NRXN3: variants seen among roughly 807,000 people sequenced by gnomAD.
NRXN3 encodes neurexin 3.
NRXN3 carries 32 observed loss-of-function variants against 137.6 expected under a neutral mutation model. The ratio of observed to expected loss-of-function variants is 0.23; its 90% CI spans 0.18 to 0.31. NRXN3 has a LOEUF of 0.31. NRXN3 is among the 10% of genes least tolerant of loss of function. NRXN3 has a pLI of 1.00. For synonymous variants in NRXN3, 798 were observed against 784.5 expected, an observed-to-expected ratio of 1.02 and a Z score of -0.29; for missense variants, 1,574 against 2,062.5, an observed-to-expected ratio of 0.76 and a Z score of 4.59.
At chr14:79,755,827 T>G (rs2099017535) in intron 19 of NRXN3, among the ~76,000 whole-genome samples, 1 of 152,164 alleles carries the variant, frequency 6.6e-6, no homozygotes, top group South Asian at 2.1e-4. Flanking sequence ...AACTTTATTA[T>G]AAACCTTTTT....
chr14:78,775,974 T>A (rs1333584081), intron 8 of NRXN3, among the ~76,000 whole-genome samples: 1 of 152,154 alleles, frequency 6.6e-6, no homozygotes, highest in Non-Finnish European at 1.5e-5. Flanking sequence ...ATGAATTACT[T>A]TTTGTCCAGC....
chr14:79,685,790 T>C (rs2098692248), intron 17 of NRXN3, among the ~76,000 whole-genome samples: 1 of 152,234 alleles, frequency 6.6e-6, no homozygotes, highest in South Asian at 2.1e-4. Flanking sequence ...TAAATCATTT[T>C]AGTACATAAT....
intron 10 of NRXN3, among the ~76,000 whole-genome samples, chr14:78,854,737 G>T (rs2099052073): frequency 6.6e-6 from 1 of 152,036 alleles, no homozygotes; most frequent in Admixed American, 6.6e-5. Context: ...CTCAAAATAG[G>T]TTTTTGCTAA....
intron 6 of NRXN3, among the ~76,000 whole-genome samples, chr14:78,653,305 G>A (rs903147271): frequency 2.6e-5 from 4 of 152,166 alleles, no homozygotes; most frequent in African/African-American, 9.7e-5. Flanking sequence ...GCACTGTCTA[G>A]TGAACCCTGA....
At chr14:78,431,039 A>C (rs1217750179) in intron 4 of NRXN3, among the ~76,000 whole-genome samples, 1 of 152,142 alleles carries the variant, frequency 6.6e-6, no homozygotes, top group East Asian at 1.9e-4. Flanking sequence ...TTTTTAAGAC[A>C]ATTTATACTG....
At chr14:79,770,110 C>T (rs1292492327) in intron 19 of NRXN3, among the ~76,000 whole-genome samples, 1 of 151,430 alleles carries the variant, frequency 6.6e-6, no homozygotes, top group Admixed American at 6.6e-5. Context: ...ACAGGAGCAC[C>T]CAGATTCATA....
chr14:78,659,960 G>A (rs2097823132), intron 6 of NRXN3, among the ~76,000 whole-genome samples: 1 of 152,034 alleles, frequency 6.6e-6, no homozygotes, highest in Admixed American at 6.5e-5. Context: ...ATGCAGTTTG[G>A]ACCCATAACA....
At chr14:78,635,347 T>G (rs1566942003) in intron 4 of NRXN3, among the ~76,000 whole-genome samples, 1 of 152,208 alleles carries the variant, frequency 6.6e-6, no homozygotes, top group Non-Finnish European at 1.5e-5. Flanking sequence ...TGTATGAGTT[T>G]TCCCAAATTC....
chr14:78,330,231 G>A (rs1158160158), intron 4 of NRXN3, among the ~76,000 whole-genome samples: 1 of 152,110 alleles, frequency 6.6e-6, no homozygotes, highest in African/African-American at 2.4e-5. Context: ...GAATGGGTAA[G>A]TGTGACCTAG....
At chr14:78,790,244 G>A (rs1036151574) in intron 8 of NRXN3, among the ~76,000 whole-genome samples, 7 of 151,764 alleles carry the variant, frequency 4.6e-5, no homozygotes, top group Non-Finnish European at 7.4e-5. Flanking sequence ...TTTCTCTTTT[G>A]AATATTAAAA....
rs138640619 is a variant in NRXN3 at position 79,753,606 on chromosome 14, A to G, written c.4015-51506A>G. Among the ~76,000 whole-genome samples, 1,160 of 151,086 alleles carry G rather than the reference A, an allele frequency of 7.7e-3. 11 individuals are homozygous for G. The highest frequency in any genetic ancestry group is 0.027 in the African/African-American group (1,093 of 41,130). ...GAGGGGGGAGGGATAGCATTAGGAA[A>G]TATAACTAATGCTAAATGACGAGTT... On this transcript the variant is annotated intron_variant, in intron 19 of 20. Coordinates refer to ENST00000335750, the MANE Select transcript of NRXN3 (RefSeq NM_001330195.2).
intron 4 of NRXN3, among the ~76,000 whole-genome samples, chr14:78,548,379 A>G (rs776518181): frequency 6.6e-6 from 1 of 152,192 alleles, no homozygotes; most frequent in African/African-American, 2.4e-5. Flanking sequence ...ATTTCCCATG[A>G]CTTGGACAGG....
intron 16 of NRXN3, among the ~76,000 whole-genome samples, chr14:79,512,036 A>C (rs1013338575): frequency 1.3e-5 from 2 of 152,142 alleles, no homozygotes; most frequent in Non-Finnish European, 2.9e-5. Flanking sequence ...AGTAGCTGGG[A>C]TTACAGGTGT....
chr14:79,850,889 A>G (rs1013139579), intron 20 of NRXN3, among the ~76,000 whole-genome samples: 1 of 152,236 alleles, frequency 6.6e-6, no homozygotes, highest in Non-Finnish European at 1.5e-5. Flanking sequence ...CATTATATTC[A>G]GGCTATGTTG....
At chr14:78,665,422 G>A (rs1357517417) in intron 6 of NRXN3, among the ~76,000 whole-genome samples, 1 of 152,148 alleles carries the variant, frequency 6.6e-6, no homozygotes, top group Non-Finnish European at 1.5e-5. Flanking sequence ...CAGATCTTGT[G>A]AGAACTTACT....
At chr14:79,831,725 T>C (rs2099324425) in intron 20 of NRXN3, among the ~76,000 whole-genome samples, 1 of 152,158 alleles carries the variant, frequency 6.6e-6, no homozygotes, top group Admixed American at 6.5e-5. Flanking sequence ...AACATTCCAC[T>C]GCAACAGCTA....
intron 15 of NRXN3, among the ~76,000 whole-genome samples, chr14:79,179,648 A>T (rs957825931): frequency 4.6e-5 from 7 of 152,202 alleles, no homozygotes; most frequent in African/African-American, 1.7e-4. Flanking sequence ...TAAGGGCAGG[A>T]CTGGGTGGAG....
chr14:78,781,374 T>C (rs2153028929), intron 8 of NRXN3, among the ~76,000 whole-genome samples: 1 of 152,304 alleles, frequency 6.6e-6, no homozygotes, highest in Admixed American at 6.5e-5. Context: ...GAAACAAATA[T>C]ACCAGAATGT....
chr14:78,412,581 T>A (rs2092896858), intron 4 of NRXN3, among the ~76,000 whole-genome samples: 1 of 152,192 alleles, frequency 6.6e-6, no homozygotes, highest in Non-Finnish European at 1.5e-5. Context: ...ATCTCATATT[T>A]AGATGGGGAA....
Sources: allele counts gnomAD v4.1 joint callset (sites outside exome capture counted in the v4.1 genomes callset), GRCh38; gene constraint gnomAD v4.1.1; transcripts MANE v1.5; gene names NCBI Gene and HGNC (gene_info 2026-07-23, HGNC 2026-07-21).